TENM1: variants seen among roughly 807,000 people sequenced by gnomAD.
TENM1 encodes the protein teneurin-1.
A neutral mutation model predicts 174.8 loss-of-function variants in TENM1; 35 were observed. The ratio of observed to expected loss-of-function variants is 0.20; its 90% CI spans 0.15 to 0.27. TENM1 has a LOEUF of 0.27. Ranked by LOEUF, TENM1 falls within the 10% of genes least tolerant of loss-of-function variation. The probability of loss-of-function intolerance (pLI) is 1.00; values close to 1 mark genes in which losing one functional copy is unlikely to be tolerated. For synonymous variants in TENM1, 781 were observed against 798.7 expected (o/e 0.98, Z 0.37); for missense variants, 1,633 against 2,130.1 (o/e 0.77, Z 4.59).
chrX:124,788,838 G>A (rs1267017232), intron 3 of TENM1, among the ~76,000 whole-genome samples: 1 of 112,031 alleles, frequency 8.9e-6, no homozygotes, highest in Admixed American at 9.4e-5. Flanking sequence ...CATGATACAA[G>A]CTGTCAGTGG....
the TENM1 span, among the ~76,000 whole-genome samples, chrX:125,056,121 T>C: frequency 9.0e-6 from 1 of 111,677 alleles, no homozygotes; most frequent in Admixed American, 9.5e-5. Context: ...AACAGAATTA[T>C]ATGTGCCATG....
chrX:124,441,853 C>T (rs994101651), intron 23 of TENM1, among the ~76,000 whole-genome samples: 1 of 111,838 alleles, frequency 8.9e-6, no homozygotes, highest in Non-Finnish European at 1.9e-5. Flanking sequence ...CTAACCATGA[C>T]CAATTAGGAT....
At chrX:124,773,028 CAT>C (rs2054694579) in intron 3 of TENM1, among the ~76,000 whole-genome samples, 1 of 111,892 alleles carries the variant, frequency 8.9e-6, no homozygotes, top group South Asian at 3.7e-4. Flanking sequence ...TGATCGAAAA[CAT>C]AACATTTAGG....
intron 25 of TENM1, among the ~76,000 whole-genome samples, chrX:124,414,506 C>T (rs1459788455): frequency 1.8e-5 from 2 of 110,180 alleles, no homozygotes; most frequent in Admixed American, 1.9e-4. Flanking sequence ...GGCCAGTATT[C>T]GTGCCTTGAC....
intron 3 of TENM1, among the ~76,000 whole-genome samples, chrX:124,869,936 A>G (rs2057078161): frequency 9.0e-6 from 1 of 111,254 alleles, no homozygotes; most frequent in Admixed American, 9.5e-5. Flanking sequence ...ACTATAGTCA[A>G]TAATAACTTA....
At chrX:125,159,061 C>G in the TENM1 span, among the ~76,000 whole-genome samples, 7 of 111,053 alleles carry the variant, frequency 6.3e-5, no homozygotes, top group African/African-American at 1.3e-4. Flanking sequence ...TTCTGAGACA[C>G]AAAAGAGGTA....
the TENM1 span, among the ~76,000 whole-genome samples, chrX:125,118,549 C>T: frequency 9.0e-6 from 1 of 111,086 alleles, no homozygotes; most frequent in Non-Finnish European, 1.9e-5. Context: ...ATATAAAAGA[C>T]TCTTACGACT....
intron 3 of TENM1, among the ~76,000 whole-genome samples, chrX:124,836,227 C>T (rs1164623965): frequency 1.8e-5 from 2 of 111,197 alleles, no homozygotes; most frequent in Non-Finnish European, 3.8e-5. Flanking sequence ...AATAAGTCTA[C>T]CCCCATTTTT....
chrX:124,520,663 C>T (rs1196753339), exon 18 of TENM1: 1 of 1,210,918 alleles, frequency 8.3e-7, no homozygotes, highest in Admixed American at 2.2e-5. Context: ...TTTTATCATG[C>T]CTACAGGAAT....
chrX:125,014,919 T>C, the TENM1 span, among the ~76,000 whole-genome samples: 2 of 111,718 alleles, frequency 1.8e-5, no homozygotes, highest in Non-Finnish European at 3.8e-5. Context: ...GAGATATGTG[T>C]TTGAATATGA....
chrX:124,838,415 T>C (rs1380783739), intron 3 of TENM1, among the ~76,000 whole-genome samples: 1 of 111,937 alleles, frequency 8.9e-6, no homozygotes, highest in Non-Finnish European at 1.9e-5. Context: ...AATAAAAATA[T>C]TGAAATAGAT....
the TENM1 span, among the ~76,000 whole-genome samples, chrX:125,010,808 C>T: frequency 2.0e-4 from 18 of 91,988 alleles, no homozygotes; most frequent in Middle Eastern, 5.4e-3. Flanking sequence ...AGCAAGACTC[C>T]GTCTAAAAAA....
intron 1 of TENM1, among the ~76,000 whole-genome samples, chrX:124,939,130 C>A (rs1178864657): frequency 8.9e-6 from 1 of 111,863 alleles, no homozygotes; most frequent in Non-Finnish European, 1.9e-5. Context: ...AACAAGTATT[C>A]ATCTGAATAA....
intron 4 of TENM1, among the ~76,000 whole-genome samples, chrX:124,717,631 C>T (rs1046960063): frequency 2.7e-5 from 3 of 111,963 alleles, no homozygotes; most frequent in African/African-American, 9.7e-5. Flanking sequence ...GCTGTACTTA[C>T]TGTGCTTTTC....
At chrX:125,191,934 G>GTT in the TENM1 span, among the ~76,000 whole-genome samples, 23 of 105,850 alleles carry the variant, frequency 2.2e-4, 1 homozygote, top group African/African-American at 7.9e-4. Flanking sequence ...TTTTTTTTTT[G>GTT]TTTTTTTTTG....
intron 11 of TENM1, among the ~76,000 whole-genome samples, chrX:124,591,346 G>T (rs1451447912): frequency 5.4e-5 from 6 of 111,806 alleles, no homozygotes; most frequent in Non-Finnish European, 9.4e-5. Context: ...GTACTGGAGG[G>T]TGTTTGTGTG....
At chrX:124,548,536 A>G (rs915040810) in intron 14 of TENM1, among the ~76,000 whole-genome samples, 20 of 112,110 alleles carry the variant, frequency 1.8e-4, no homozygotes, top group African/African-American at 6.5e-4. Context: ...TGGACACTTC[A>G]TTCCATGCCC....
chrX:124,820,265 T>G (rs2056008759), intron 3 of TENM1, among the ~76,000 whole-genome samples: 1 of 111,617 alleles, frequency 9.0e-6, no homozygotes, highest in African/African-American at 3.3e-5. Context: ...CATACATTAC[T>G]TTCATGTCTT....
chrX:124,587,867 A>C (rs2049586339), intron 11 of TENM1, among the ~76,000 whole-genome samples: 1 of 111,893 alleles, frequency 8.9e-6, no homozygotes, highest in Non-Finnish European at 1.9e-5. Flanking sequence ...GCCCCATCAA[A>C]AAGTGGGCGA....
Sources: allele counts gnomAD v4.1 joint callset (sites outside exome capture counted in the v4.1 genomes callset), GRCh38; gene constraint gnomAD v4.1.1; transcripts MANE v1.5; gene names NCBI Gene and HGNC (gene_info 2026-07-23, HGNC 2026-07-21).